NPR2: variants seen among roughly 807,000 people sequenced by gnomAD.
The protein encoded by NPR2 is atrial natriuretic peptide receptor 2.
A neutral mutation model predicts 120.7 loss-of-function variants in NPR2; 49 were observed. The ratio of observed to expected loss-of-function variants is 0.41; its 90% CI spans 0.32 to 0.52. NPR2 has a LOEUF of 0.52. Among genes scored for constraint, NPR2 ranks in the 20% least tolerant of loss-of-function variants. The pLI is 0.36. For synonymous variants in NPR2, 484 were observed against 519.8 expected, an observed-to-expected ratio of 0.93 and a Z score of 0.94; for missense variants, 931 against 1,362.9, an observed-to-expected ratio of 0.68 and a Z score of 4.99.
Position 35,809,316 on chromosome 9 carries a change from AAG to A in NPR2, c.3079-59_3079-58del, listed in dbSNP as rs1828628839. 2 of 1,611,488 alleles carry A rather than the reference AAG, an allele frequency of 1.2e-6. No individual in the cohort carries two copies. Among genetic ancestry groups the A allele is most frequent in the Admixed American group, 1.7e-5 (1 of 60,020 alleles). On this transcript the variant is annotated intron_variant, in intron 21 of 21. Coordinates refer to ENST00000342694, the MANE Select transcript of NPR2 (RefSeq NM_003995.4). This position sits in a 1 kb window ranked among gnomAD's most constrained non-coding sequence, Gnocchi z 4.1. ...AAAGTGATTATGGGAATCATAGGGA[AAG>A]AGAGGGAGACAAAGGGACTAACATC...
intron 2 of NPR2, among the ~76,000 whole-genome samples, chr9:35,796,601 G>A (rs1280261688): frequency 6.6e-6 from 1 of 152,132 alleles, no homozygotes; most frequent in Admixed American, 6.5e-5. Flanking sequence ...CCAATAATCA[G>A]TTATATCAAT....
chr9:35,798,172 G>A (rs1828004003), intron 2 of NPR2, among the ~76,000 whole-genome samples: 1 of 152,210 alleles, frequency 6.6e-6, no homozygotes, highest in African/African-American at 2.4e-5. Context: ...TGTTTAAAAT[G>A]TGTTAAAAAC....
At chr9:35,801,214 T>G in intron 7 of NPR2, 60 bp downstream of exon 7, 1 of 1,257,642 alleles carries the variant, frequency 8.0e-7, no homozygotes, top group South Asian at 1.2e-5. Flanking sequence ...AACCTCTGGC[T>G]GAAGCCAGGT....
chr9:35,800,567 C>CT lies in NPR2; in HGVS notation c.1218+85dup. On this transcript the variant is annotated intron_variant, in intron 5 of 21. Transcript: ENST00000342694. The surrounding 1 kb of genome is among the most constrained non-coding windows in gnomAD (Gnocchi z 4.7). ...TTCAGTCGGGGCAGAACCAAAACTA[C>CT]TAGATGAGGGATTTGTTTTCTCTGC... 8 of 1,565,096 alleles carry CT rather than the reference C, an allele frequency of 5.1e-6. No individual in the cohort carries two copies. The highest frequency in any genetic ancestry group is 5.3e-6 in the Non-Finnish European group (6 of 1,136,540).
chr9:35,791,815 G>A lies in NPR2; in HGVS notation c.-594G>A, dbSNP rs889474727. Reference sequence around the variant, plus strand: ...GCGCCCGGGCCCGTTAGTCCAAGCAGGAGCTCCGGGAGAATCCTTCACAGG... The same window carrying A: ...GCGCCCGGGCCCGTTAGTCCAAGCAAGAGCTCCGGGAGAATCCTTCACAGG... On this transcript the variant is annotated 5_prime_UTR_variant, in exon 1 of 22. Coordinates refer to ENST00000342694, the MANE Select transcript of NPR2 (RefSeq NM_003995.4). Among the ~76,000 whole-genome samples, 1 of 151,974 alleles carries A rather than the reference G, an allele frequency of 6.6e-6. No homozygotes were observed. Among genetic ancestry groups the A allele is most frequent in the African/African-American group, 2.4e-5 (1 of 41,396 alleles).
At chr9:35,804,356 C>T (rs1397344621) in intron 12 of NPR2, among the ~76,000 whole-genome samples, 1 of 152,044 alleles carries the variant, frequency 6.6e-6, no homozygotes, top group Non-Finnish European at 1.5e-5. Flanking sequence ...ATCTTAGCCT[C>T]CTGAGTAGCT....
chr9:35,795,481 T>G (rs1017568189), intron 2 of NPR2, among the ~76,000 whole-genome samples: 15 of 152,252 alleles, frequency 9.9e-5, no homozygotes, highest in African/African-American at 1.9e-4. Context: ...TGGTTCGAAG[T>G]AGCTGTGTAT....
rs570286316 is a variant in NPR2 at position 35,808,042 on chromosome 9, G to A, written c.2713-467G>A. ...GTGTATTTCCTAAAAACTTCACTGT[G>A]TATTTCCTTAAAACAATGGCATTTA... On this transcript the variant is annotated intron_variant, in intron 18 of 21. Coordinates refer to ENST00000342694, the MANE Select transcript of NPR2 (RefSeq NM_003995.4). The surrounding 1 kb of genome is among the most constrained non-coding windows in gnomAD (Gnocchi z 4.0). The A allele has an allele frequency of 8.9e-4, 633 of 714,498 alleles. 1 individual carries two copies. Among genetic ancestry groups the A allele is most frequent in the Non-Finnish European group, 1.4e-3 (546 of 404,412 alleles). 44.3% of individuals were successfully genotyped at this position (714,498 alleles called of 1,614,324 possible).
At chr9:35,795,945 G>C (rs1827932724) in intron 2 of NPR2, among the ~76,000 whole-genome samples, 1 of 152,210 alleles carries the variant, frequency 6.6e-6, no homozygotes, top group South Asian at 2.1e-4. Context: ...TGGTATACAA[G>C]GGAGAGCATA....
In NPR2 at chr9:35,805,260, T is replaced by C. The variant is rs1273727365; in HGVS notation, c.1888-251T>C. Among the ~76,000 whole-genome samples, 1 of 152,184 alleles carries C rather than the reference T, an allele frequency of 6.6e-6. No homozygotes were observed. Among genetic ancestry groups the C allele is most frequent in the Non-Finnish European group, 1.5e-5 (1 of 68,024 alleles). On this transcript the variant is annotated intron_variant, in intron 12 of 21. Coordinates refer to ENST00000342694, the MANE Select transcript of NPR2 (RefSeq NM_003995.4). This position sits in a 1 kb window ranked among gnomAD's most constrained non-coding sequence, Gnocchi z 4.9. The stretch of plus-strand genomic sequence containing the variant: ...GGGTAGTCATTTGTAGCTCCACTTA[T>C]CCCTCTTTTTAAGCATTTTCCCTGT...
At chr9:35,797,005 C>G (rs1827964821) in intron 2 of NPR2, among the ~76,000 whole-genome samples, 1 of 152,216 alleles carries the variant, frequency 6.6e-6, no homozygotes, top group African/African-American at 2.4e-5. Flanking sequence ...TTAGCTCATG[C>G]CGTATCGATA....
rs1827816053 is a variant in NPR2, at chr9:35,792,529, G to T, written c.121G>T (p.Ala41Ser). 1.2e-6 allele frequency: 2 copies of T among 1,610,888 alleles called. No homozygotes were observed. The highest frequency in any genetic ancestry group is 8.5e-7 in the Non-Finnish European group (1 of 1,179,932). Reference protein sequence around the residue: ...LPEHNLSYAWAWPRVGPAVAL... With the variant: ...LPEHNLSYAWSWPRVGPAVAL... ...AGAACACAACCTGAGCTATGCCTGG[G>T]CCTGGCCACGGGTGGGACCCGCTGT... The change falls in exon 1 of 22, where the codon GCC becomes TCC. Residue 41 changes from alanine to serine, a missense_variant. Physicochemically the swap from Ala to Ser is moderately conservative, Grantham distance 99 (BLOSUM62 1). This residue lies in a region of NPR2 where 681 missense variants were observed against 974.3 expected (regional missense o/e 0.70). Transcript: ENST00000342694.
rs1305337032 is a variant in NPR2 at position 35,805,905 on chromosome 9, A to G, written c.2123A>G (p.Tyr708Cys). 1.2e-6 allele frequency: 2 copies of G among 1,614,094 alleles called. No homozygotes were observed. Among genetic ancestry groups the G allele is most frequent in the Non-Finnish European group, 1.7e-6 (2 of 1,180,020 alleles). ...ACAGGCATGCAGAAGGCTGACGTCT[A>G]TAGCTTTGGGATCATCCTGCAGGAG... The part of the protein sequence containing the change: ...PTTGMQKADV[Y>C]SFGIILQEIA... Residue 708 changes from tyrosine to cysteine, a missense_variant, in exon 14 of 22, where the codon TAT (tyrosine) becomes TGT (cysteine). Coordinates refer to ENST00000342694, the MANE Select transcript of NPR2 (RefSeq NM_003995.4). This position sits in a 1 kb window ranked among gnomAD's most constrained non-coding sequence, Gnocchi z 4.9.
In NPR2 at chr9:35,800,900, C is replaced by A; in HGVS notation, c.1351+59C>A. The A allele has an allele frequency of 1.2e-6, 2 of 1,609,240 alleles. No homozygotes were observed. Among genetic ancestry groups the A allele is most frequent in the Non-Finnish European group, 1.7e-6 (2 of 1,175,558 alleles). On this transcript the variant is annotated intron_variant, in intron 6 of 21. Transcript: ENST00000342694. This position sits in a 1 kb window ranked among gnomAD's most constrained non-coding sequence, Gnocchi z 4.7. ...TCCCTTTGCTTTCCATTCATGGCCT[C>A]CACCCTCACTGACCCTCCACTCTTA...
chr9:35,793,029 A>C lies in NPR2; in HGVS notation c.621A>C (p.Pro207=), dbSNP rs1827836035. The C allele has an allele frequency of 6.2e-7, 1 of 1,607,846 alleles. No homozygotes were observed. The highest frequency in any genetic ancestry group is 8.5e-7 in the Non-Finnish European group (1 of 1,176,912). Residue 207 remains proline (P), a synonymous_variant, in exon 1 of 22, where the codon CCA becomes CCC. Coordinates refer to ENST00000342694, the MANE Select transcript of NPR2 (RefSeq NM_003995.4). ...AGCACCAGGTGTATGCCCGAGAGCC[A>C]GGGGGCCCCGAGCAGGCCACCCACT... ...SVQHQVYARE[P]GGPEQATHFI...
At position 35,800,850 on chromosome 9, in the gene NPR2, G is replaced by C; in HGVS notation, c.1351+9G>C. On this transcript the variant is annotated intron_variant, in intron 6 of 21. Coordinates refer to ENST00000342694, the MANE Select transcript of NPR2 (RefSeq NM_003995.4). The surrounding 1 kb of genome is among the most constrained non-coding windows in gnomAD (Gnocchi z 4.7). ...CCCATCCTGTGATAAAAGTGGGTGT[G>C]TGCAGGGACTGGGAGCAGCTTTCCT... 1 of 1,614,172 alleles carries C rather than the reference G, an allele frequency of 6.2e-7. No homozygotes were observed.
At chr9:35,793,635 G>A (rs1413950545) in intron 1 of NPR2, among the ~76,000 whole-genome samples, 2 of 152,140 alleles carry the variant, frequency 1.3e-5, no homozygotes, top group African/African-American at 2.4e-5. Flanking sequence ...GGAGGCTCTG[G>A]GAAAGGGAGG....
rs370158184 is a variant in NPR2 at position 35,808,665 on chromosome 9, C to T, written c.2869C>T (p.Arg957Cys). ...CCGACCCCATGACCAGCTGAGGCTA[C>T]GCATAGGGGTCCATACTGGTAAGGC... ...RHRPHDQLRL[R>C]IGVHTGPVCA... The change falls in exon 19 of 22, where the codon CGC (arginine) becomes TGC (cysteine). Residue 957 changes from arginine to cysteine, a missense_variant. Transcript: ENST00000342694. The surrounding 1 kb of genome is among the most constrained non-coding windows in gnomAD (Gnocchi z 4.0). 7 of 1,614,110 alleles carry T rather than the reference C, an allele frequency of 4.3e-6. No homozygotes were observed. The highest frequency in any genetic ancestry group is 2.2e-5 in the South Asian group (2 of 91,084).
At chr9:35,807,242 T>C in intron 17 of NPR2, 88 bp from the exon 18 acceptor site, 4 of 1,480,288 alleles carry the variant, frequency 2.7e-6, no homozygotes, top group Non-Finnish European at 3.8e-6. Context: ...TGTTCTAGAG[T>C]TCCCACATCT....
Sources: gnomAD v4.1 joint callset for allele counts (sites outside exome capture counted in the v4.1 genomes callset) on GRCh38, gnomAD v4.1.1 for gene constraint, gnomAD v4.1.1 regional missense constraint, Gnocchi (gnomAD v3.1) non-coding constraint, MANE v1.5 for transcripts, NCBI Gene and HGNC (gene_info 2026-07-23, HGNC 2026-07-21) for gene names.